TRAPPC9: variants seen among roughly 807,000 people sequenced by gnomAD.
TRAPPC9 encodes IKK2 binding protein.
TRAPPC9 carries 83 observed loss-of-function variants against 124.0 expected under a neutral mutation model. That is an observed-to-expected ratio of 0.67 (90% CI 0.56 to 0.80). The LOEUF is 0.80. TRAPPC9 is among the 30% of genes least tolerant of loss of function. TRAPPC9 has a pLI of 0.00. For missense variants in TRAPPC9, 1,302 were observed against 1,508.3 expected, an observed-to-expected ratio of 0.86 and a Z score of 2.27; for synonymous variants, 638 against 617.5, an observed-to-expected ratio of 1.03 and a Z score of -0.49.
At chr8:140,416,878 C>A (rs1248068139) in intron 5 of TRAPPC9, among the ~76,000 whole-genome samples, 3 of 152,076 alleles carry the variant, frequency 2.0e-5, no homozygotes, top group African/African-American at 7.2e-5. Context: ...GATATATAGA[C>A]CAATGGAACA....
At chr8:140,084,838 C>T (rs1844083413) in intron 17 of TRAPPC9, among the ~76,000 whole-genome samples, 1 of 152,234 alleles carries the variant, frequency 6.6e-6, no homozygotes, top group Non-Finnish European at 1.5e-5. Flanking sequence ...GTGCCAGCCA[C>T]AGGGCTAAGC....
At chr8:140,409,271 A>G (rs930409145) in intron 5 of TRAPPC9, among the ~76,000 whole-genome samples, 5 of 152,186 alleles carry the variant, frequency 3.3e-5, no homozygotes, top group African/African-American at 1.2e-4. Flanking sequence ...TTTGTCACGT[A>G]TCTAGTTGGC....
At chr8:139,816,192 C>G (rs1824821735) in intron 21 of TRAPPC9, among the ~76,000 whole-genome samples, 1 of 152,176 alleles carries the variant, frequency 6.6e-6, no homozygotes, top group South Asian at 2.1e-4. Flanking sequence ...GAAGGCCAGA[C>G]TTGATAGATG....
intron 2 of TRAPPC9, among the ~76,000 whole-genome samples, chr8:140,449,422 T>C (rs2071381124): frequency 6.6e-6 from 1 of 152,226 alleles, no homozygotes. Flanking sequence ...GGCTTGCATC[T>C]CATCCAGCTC....
At chr8:139,794,284 C>G (rs533080347) in intron 21 of TRAPPC9, among the ~76,000 whole-genome samples, 1 of 152,324 alleles carries the variant, frequency 6.6e-6, no homozygotes, top group East Asian at 1.9e-4. Flanking sequence ...TGGGGTCAAA[C>G]AGGGCCTCCT....
chr8:140,059,889 T>C (rs537778596), intron 17 of TRAPPC9, among the ~76,000 whole-genome samples: 4 of 152,222 alleles, frequency 2.6e-5, no homozygotes, highest in Admixed American at 2.6e-4. Flanking sequence ...ATTTATGATT[T>C]CCTTTAAATT....
In TRAPPC9 at chr8:140,274,510, T is replaced by C. The variant is rs555492169; in HGVS notation, c.2278+1148A>G. ...AATGCGGACGCAAAGCTTCGTGCTT[T>C]ACTTCCTACAGACACAGATTTCTAT... On this transcript the variant is annotated intron_variant, in intron 15 of 22. Coordinates refer to ENST00000438773, the MANE Select transcript of TRAPPC9 (RefSeq NM_001160372.4). Among the ~76,000 whole-genome samples, 7 of 152,372 alleles carry C rather than the reference T, an allele frequency of 4.6e-5. No homozygotes were observed. In the East Asian group the frequency reaches 1.4e-3, roughly 29 times the overall value.
chr8:140,071,616 A>G (rs1181921218), intron 17 of TRAPPC9, among the ~76,000 whole-genome samples: 2 of 152,118 alleles, frequency 1.3e-5, no homozygotes, highest in Non-Finnish European at 2.9e-5. Flanking sequence ...TGGAACCCTC[A>G]GTCTGCCCGT....
chr8:140,002,080 T>C (rs1373115288), intron 18 of TRAPPC9, among the ~76,000 whole-genome samples: 2 of 152,048 alleles, frequency 1.3e-5, no homozygotes, highest in African/African-American at 4.8e-5. Flanking sequence ...TCTCAGAACA[T>C]TTTATGAGGT....
At chr8:139,946,548 G>A (rs930537728) in intron 19 of TRAPPC9, among the ~76,000 whole-genome samples, 9 of 152,132 alleles carry the variant, frequency 5.9e-5, no homozygotes, top group African/African-American at 2.2e-4. Flanking sequence ...AGGAAAAGAA[G>A]CAGGAAAAGC....
intron 19 of TRAPPC9, among the ~76,000 whole-genome samples, chr8:139,966,302 C>T (rs554492472): frequency 3.3e-5 from 5 of 152,174 alleles, no homozygotes; most frequent in Non-Finnish European, 7.4e-5. Context: ...TGGTGGGAAA[C>T]GCAGGATCAC....
rs758881754 is a variant in TRAPPC9 at position 140,252,719 on chromosome 8, G to T, written c.2431+58C>A. 3 of 1,594,246 alleles carry T rather than the reference G, an allele frequency of 1.9e-6. No individual in the cohort carries two copies. The highest frequency in any genetic ancestry group is 1.1e-5 in the South Asian group (1 of 90,694). On this transcript the variant is annotated intron_variant, in intron 16 of 22. Coordinates refer to ENST00000438773, the MANE Select transcript of TRAPPC9 (RefSeq NM_001160372.4). This position sits in a 1 kb window ranked among gnomAD's most constrained non-coding sequence, Gnocchi z 4.2. ...CAAACAGCAGGCATCAAGGGATGGG[G>T]GTTGCTACACAGTATCTAGGACCCT... is the stretch of plus-strand genomic sequence containing the variant.
chr8:140,122,479 C>T (rs1292332525), intron 17 of TRAPPC9, among the ~76,000 whole-genome samples: 1 of 152,174 alleles, frequency 6.6e-6, no homozygotes, highest in African/African-American at 2.4e-5. Flanking sequence ...TAGGAGTGAA[C>T]AAAAGTCTTA....
intron 17 of TRAPPC9, among the ~76,000 whole-genome samples, chr8:140,197,065 T>G (rs1214127488): frequency 6.6e-6 from 1 of 152,174 alleles, no homozygotes; most frequent in Admixed American, 6.5e-5. Context: ...GAGTGCATCA[T>G]AGATGAATGC....
rs114828555 is a variant in TRAPPC9, at chr8:140,448,409, G to C, written c.584+2381C>G. Among the ~76,000 whole-genome samples, 1,370 of 152,324 alleles carry C rather than the reference G, an allele frequency of 9.0e-3. 29 individuals carry two copies. Among genetic ancestry groups the C allele is most frequent in the African/African-American group, 0.032 (1,314 of 41,580 alleles). ...ACTTGTCAGTCCTTATCCACTATGC[G>C]TGACGCACTGCGTCACAGCACACTC... is the stretch of plus-strand genomic sequence containing the variant. On this transcript the variant is annotated intron_variant, in intron 2 of 22. Coordinates refer to ENST00000438773, the MANE Select transcript of TRAPPC9 (RefSeq NM_001160372.4).
At chr8:140,330,887 A>C (rs2066877146) in intron 9 of TRAPPC9, among the ~76,000 whole-genome samples, 1 of 152,166 alleles carries the variant, frequency 6.6e-6, no homozygotes, top group Non-Finnish European at 1.5e-5. Flanking sequence ...AAAATGAAAA[A>C]ATGCAAAGAA....
At chr8:139,836,509 A>G (rs73364161) in intron 21 of TRAPPC9, among the ~76,000 whole-genome samples, 2,982 of 152,326 alleles carry the variant, frequency 0.02, 93 homozygotes, top group African/African-American at 0.068. Context: ...GGAGGGAGGT[A>G]GGGCCCAGCC....
intron 17 of TRAPPC9, among the ~76,000 whole-genome samples, chr8:140,074,781 C>T (rs1344356477): frequency 6.6e-6 from 1 of 152,146 alleles, no homozygotes; most frequent in Non-Finnish European, 1.5e-5. Context: ...CAGTGGAGAG[C>T]TCTGGAGGTC....
At chr8:139,880,424 C>T (rs1041088399) in intron 21 of TRAPPC9, among the ~76,000 whole-genome samples, 1 of 152,198 alleles carries the variant, frequency 6.6e-6, no homozygotes, top group African/African-American at 2.4e-5. Context: ...CCCTGCTACC[C>T]AGTTCAGCTC....
Sources: allele counts gnomAD v4.1 joint callset (sites outside exome capture counted in the v4.1 genomes callset), GRCh38; gene constraint gnomAD v4.1.1; non-coding constraint Gnocchi (gnomAD v3.1); transcripts MANE v1.5; gene names NCBI Gene and HGNC (gene_info 2026-07-23, HGNC 2026-07-21).